The following SLC24A2 variants were observed in gnomAD, a reference collection of about 807,000 sequenced individuals.
SLC24A2 encodes the protein sodium/potassium/calcium exchanger 2.
SLC24A2 carries 36 observed loss-of-function variants against 62.0 expected under a neutral mutation model. That is an observed-to-expected ratio of 0.58 (90% CI 0.44 to 0.77). SLC24A2 has a LOEUF of 0.77. SLC24A2 is among the 30% of genes least tolerant of loss of function. The pLI is 0.00. For synonymous variants in SLC24A2, 358 were observed against 294.0 expected (o/e 1.22, Z -2.23); for missense variants, 846 against 817.9 (o/e 1.03, Z -0.42).
intron 5 of SLC24A2, among the ~76,000 whole-genome samples, chr9:19,595,252 T>C (rs1348638769): frequency 1.3e-5 from 2 of 152,250 alleles, no homozygotes; most frequent in South Asian, 4.1e-4. Context: ...CTCCCACTTA[T>C]TTATGGAATC....
chr9:19,580,673 G>T (rs1229986678), intron 5 of SLC24A2, among the ~76,000 whole-genome samples: 1 of 152,214 alleles, frequency 6.6e-6, no homozygotes, highest in African/African-American at 2.4e-5. Flanking sequence ...TGCTTAAATG[G>T]AGGTTAAATG....
intron 2 of SLC24A2, among the ~76,000 whole-genome samples, chr9:19,681,890 C>T (rs1051202323): frequency 6.6e-6 from 1 of 152,074 alleles, no homozygotes; most frequent in African/African-American, 2.4e-5. Flanking sequence ...ATCTAAGAAG[C>T]AGTATATTAT....
At chr9:19,584,273 T>TAAAAAAAAAAAAAAAAAACAAAC (rs1836294542) in intron 5 of SLC24A2, among the ~76,000 whole-genome samples, 1 of 119,946 alleles carries the variant, frequency 8.3e-6, no homozygotes, top group African/African-American at 3.2e-5. Context: ...TAGCAAATAG[T>TAAAAAAAAAAAAAAAAAACAAAC]AAAAAAAAAA....
At chr9:19,578,533 C>T (rs1355171759) in intron 5 of SLC24A2, among the ~76,000 whole-genome samples, 1 of 130,878 alleles carries the variant, frequency 7.6e-6, no homozygotes, top group Non-Finnish European at 1.6e-5. Context: ...CACCACAACC[C>T]CTACAGTTTT....
chr9:19,959,772 C>T, the SLC24A2 span, among the ~76,000 whole-genome samples: 4 of 152,178 alleles, frequency 2.6e-5, no homozygotes, highest in African/African-American at 7.2e-5. Context: ...CTGGTACTCA[C>T]TGAATGATTA....
At chr9:19,526,572 G>T (rs1833455407) in intron 9 of SLC24A2, among the ~76,000 whole-genome samples, 2 of 152,028 alleles carry the variant, frequency 1.3e-5, no homozygotes, top group African/African-American at 4.8e-5. Flanking sequence ...ATCTTGTTAT[G>T]GTTTTGATTT....
At chr9:19,843,357 C>T in the SLC24A2 span, among the ~76,000 whole-genome samples, 7 of 152,104 alleles carry the variant, frequency 4.6e-5, no homozygotes, top group East Asian at 1.9e-4. Context: ...CATACACGCA[C>T]ACAAAGTAGC....
At chr9:19,553,110 A>C (rs1327899330) in intron 7 of SLC24A2, among the ~76,000 whole-genome samples, 1 of 152,184 alleles carries the variant, frequency 6.6e-6, no homozygotes, top group African/African-American at 2.4e-5. Context: ...CCCCAGGAGC[A>C]AGGCTGTTGG....
the SLC24A2 span, among the ~76,000 whole-genome samples, chr9:20,008,654 T>A: frequency 2.0e-5 from 3 of 152,200 alleles, no homozygotes; most frequent in Admixed American, 2.0e-4. Context: ...GAATATGACA[T>A]CTTTGTAGTC....
the SLC24A2 span, among the ~76,000 whole-genome samples, chr9:20,143,238 A>T: frequency 2.0e-5 from 3 of 152,188 alleles, no homozygotes; most frequent in East Asian, 3.9e-4. Context: ...TGGAATGATG[A>T]GCCTTTGCCA....
At chr9:20,017,811 T>G in the SLC24A2 span, among the ~76,000 whole-genome samples, 1 of 152,180 alleles carries the variant, frequency 6.6e-6, no homozygotes, top group Non-Finnish European at 1.5e-5. Flanking sequence ...CCATGACTGA[T>G]TTCATGTTGG....
At chr9:19,712,233 C>T (rs567593937) in intron 2 of SLC24A2, among the ~76,000 whole-genome samples, 8 of 152,252 alleles carry the variant, frequency 5.3e-5, no homozygotes, top group African/African-American at 1.9e-4. Flanking sequence ...ACTGGAGGAA[C>T]TGAATGCTTA....
chr9:20,001,811 C>T, the SLC24A2 span, among the ~76,000 whole-genome samples: 1 of 152,180 alleles, frequency 6.6e-6, no homozygotes, highest in Non-Finnish European at 1.5e-5. Context: ...CACAAAGCAA[C>T]ACCTACTTTG....
At chr9:19,558,861 T>TA (rs1190260104) in intron 7 of SLC24A2, among the ~76,000 whole-genome samples, 2 of 152,168 alleles carry the variant, frequency 1.3e-5, no homozygotes, top group Non-Finnish European at 2.9e-5. Flanking sequence ...TGGAAACTGG[T>TA]AAAAAGGTAT....
chr9:19,702,632 A>G (rs190237721), intron 2 of SLC24A2, among the ~76,000 whole-genome samples: 1 of 152,316 alleles, frequency 6.6e-6, no homozygotes, highest in East Asian at 1.9e-4. Context: ...GTCTTGCATT[A>G]TAGTTGGCAG....
chr9:20,091,282 T>C, the SLC24A2 span, among the ~76,000 whole-genome samples: 4 of 151,712 alleles, frequency 2.6e-5, no homozygotes, highest in African/African-American at 7.3e-5. Context: ...GGAAAACATA[T>C]TCTGAATGTC....
At chr9:20,294,412 C>T in the SLC24A2 span, among the ~76,000 whole-genome samples, 1 of 152,322 alleles carries the variant, frequency 6.6e-6, no homozygotes, top group South Asian at 2.1e-4. Context: ...ATGAGGCAAG[C>T]TCGTTAGCTT....
chr9:20,196,950 TA>T, the SLC24A2 span, among the ~76,000 whole-genome samples: 1 of 152,260 alleles, frequency 6.6e-6, no homozygotes, highest in East Asian at 1.9e-4. Context: ...TCTAGCATTA[TA>T]TAAACAAGGC....
chr9:19,966,871 G>A, the SLC24A2 span, among the ~76,000 whole-genome samples: 1 of 152,106 alleles, frequency 6.6e-6, no homozygotes, highest in Non-Finnish European at 1.5e-5. Flanking sequence ...CTAAGAAAAA[G>A]CTGAACAGAG....
Sources: gnomAD v4.1 joint callset for allele counts (sites outside exome capture counted in the v4.1 genomes callset) on GRCh38, gnomAD v4.1.1 for gene constraint, MANE v1.5 for transcripts, NCBI Gene and HGNC (gene_info 2026-07-23, HGNC 2026-07-21) for gene names.